Variants in MACROD2 observed in about 807,000 individuals in gnomAD.
MACROD2 encodes ADP-ribose glycohydrolase MACROD2.
MACROD2 carries 36 observed loss-of-function variants against 70.4 expected under a neutral mutation model. That is an observed-to-expected ratio of 0.51 (90% CI 0.39 to 0.68). The LOEUF is 0.68. MACROD2 is among the 30% of genes least tolerant of loss of function. MACROD2 has a pLI of 0.00. For synonymous variants in MACROD2, 172 were observed against 178.8 expected (o/e 0.96, Z 0.30); for missense variants, 496 against 538.4 (o/e 0.92, Z 0.78).
chr20:14,042,834 A>T (rs2053412162), intron 2 of MACROD2, among the ~76,000 whole-genome samples: 2 of 152,000 alleles, frequency 1.3e-5, no homozygotes. Context: ...CTACCTGAAG[A>T]CAGCATCAAA....
chr20:15,526,243 C>G (rs1181400427), intron 8 of MACROD2, among the ~76,000 whole-genome samples: 1 of 152,092 alleles, frequency 6.6e-6, no homozygotes, highest in African/African-American at 2.4e-5. Context: ...CCCTCATTCC[C>G]TTGCTGTAAG....
At chr20:15,383,683 A>C (rs550665675) in intron 6 of MACROD2, among the ~76,000 whole-genome samples, 1 of 152,192 alleles carries the variant, frequency 6.6e-6, no homozygotes, top group African/African-American at 2.4e-5. Flanking sequence ...ATCTCCAGGA[A>C]AGCTTGTGTT....
chr20:15,278,062 A>T (rs1352163784), intron 6 of MACROD2, among the ~76,000 whole-genome samples: 1 of 152,100 alleles, frequency 6.6e-6, no homozygotes, highest in African/African-American at 2.4e-5. Context: ...AGAATAAAAA[A>T]CCTCAGGGTC....
At chr20:16,009,183 A>C (rs899388741) in intron 15 of MACROD2, among the ~76,000 whole-genome samples, 2 of 152,174 alleles carry the variant, frequency 1.3e-5, no homozygotes, top group African/African-American at 2.4e-5. Flanking sequence ...GAAAACACGA[A>C]TGGAGGTGGA....
At chr20:14,673,945 A>C (rs530864842) in intron 4 of MACROD2, among the ~76,000 whole-genome samples, 1 of 151,752 alleles carries the variant, frequency 6.6e-6, no homozygotes, top group South Asian at 2.1e-4. Context: ...AAAAAGGAAA[A>C]GGTAATAAAG....
At chr20:15,780,974 T>C (rs1410551836) in intron 8 of MACROD2, among the ~76,000 whole-genome samples, 2 of 152,166 alleles carry the variant, frequency 1.3e-5, no homozygotes, top group African/African-American at 2.4e-5. Context: ...CCCTCATTCC[T>C]CCTTCTCCCT....
At chr20:15,847,990 A>G (rs549516340) in intron 8 of MACROD2, among the ~76,000 whole-genome samples, 15 of 152,352 alleles carry the variant, frequency 9.8e-5, no homozygotes, top group African/African-American at 3.1e-4. Context: ...AGGAACCAAC[A>G]TACCTCAGAG....
chr20:14,793,482 C>T (rs893937137), intron 5 of MACROD2, among the ~76,000 whole-genome samples: 2 of 151,580 alleles, frequency 1.3e-5, no homozygotes, highest in Non-Finnish European at 2.9e-5. Flanking sequence ...TCATTTGTCC[C>T]TTTAGTTCTC....
intron 6 of MACROD2, among the ~76,000 whole-genome samples, chr20:15,231,237 C>G (rs906479545): frequency 6.6e-6 from 1 of 151,892 alleles, no homozygotes; most frequent in Admixed American, 6.6e-5. Flanking sequence ...CTTTGATTTT[C>G]TAAAATTTTG....
At chr20:14,497,261 C>T (rs1401246841) in intron 4 of MACROD2, among the ~76,000 whole-genome samples, 3 of 151,690 alleles carry the variant, frequency 2.0e-5, no homozygotes, top group African/African-American at 7.3e-5. Flanking sequence ...TGCCCAGATT[C>T]ATATACTTTT....
chr20:15,870,706 T>C (rs2064567934), intron 9 of MACROD2, among the ~76,000 whole-genome samples: 1 of 152,118 alleles, frequency 6.6e-6, no homozygotes, highest in South Asian at 2.1e-4. Flanking sequence ...AGCCAATACA[T>C]TTCTGTTCAT....
intron 3 of MACROD2, among the ~76,000 whole-genome samples, chr20:14,317,562 G>A (rs1172303774): frequency 6.7e-6 from 1 of 149,462 alleles, no homozygotes; most frequent in Non-Finnish European, 1.5e-5. Flanking sequence ...GTTGCAGTGA[G>A]TGAGCCAAGA....
intron 8 of MACROD2, among the ~76,000 whole-genome samples, chr20:15,861,197 A>G (rs2064419759): frequency 6.6e-6 from 1 of 152,178 alleles, no homozygotes; most frequent in African/African-American, 2.4e-5. Context: ...ACGTTTTGAA[A>G]GTGTGCAGAA....
At chr20:15,674,892 G>A (rs981936083) in intron 8 of MACROD2, among the ~76,000 whole-genome samples, 11 of 152,126 alleles carry the variant, frequency 7.2e-5, no homozygotes, top group African/African-American at 2.4e-4. Flanking sequence ...GCCATTCATG[G>A]CCTCTCCATT....
intron 3 of MACROD2, among the ~76,000 whole-genome samples, chr20:14,258,415 G>C (rs1196971317): frequency 6.6e-6 from 1 of 152,148 alleles, no homozygotes; most frequent in Non-Finnish European, 1.5e-5. Context: ...CATTCTTGCA[G>C]GAGTAAGTTG....
At chr20:16,032,807 G>A (rs1287365869) in intron 15 of MACROD2, among the ~76,000 whole-genome samples, 1 of 144,480 alleles carries the variant, frequency 6.9e-6, no homozygotes, top group Admixed American at 6.9e-5. Context: ...AGGGAGGGAG[G>A]GAAGGGGAGG....
At chr20:14,574,663 G>A (rs999773264) in intron 4 of MACROD2, among the ~76,000 whole-genome samples, 1 of 150,714 alleles carries the variant, frequency 6.6e-6, no homozygotes, top group Non-Finnish European at 1.5e-5. Flanking sequence ...ATATTATTAT[G>A]AAATATATTA....
chr20:13,998,727 G>T (rs903524607), intron 1 of MACROD2, among the ~76,000 whole-genome samples: 1 of 151,980 alleles, frequency 6.6e-6, no homozygotes, highest in African/African-American at 2.4e-5. Flanking sequence ...AGGCTGAGGC[G>T]GGTGGATCAT....
At chr20:15,296,226 C>T (rs1390876198) in intron 6 of MACROD2, among the ~76,000 whole-genome samples, 2 of 152,066 alleles carry the variant, frequency 1.3e-5, no homozygotes, top group Non-Finnish European at 2.9e-5. Flanking sequence ...TACCATAGAG[C>T]CAGCAAAATT....
Sources: gnomAD v4.1 joint callset for allele counts (sites outside exome capture counted in the v4.1 genomes callset) on GRCh38, gnomAD v4.1.1 for gene constraint, MANE v1.5 for transcripts, NCBI Gene and HGNC (gene_info 2026-07-23, HGNC 2026-07-21) for gene names.